Variants in NELL2 observed in about 807,000 individuals in gnomAD.
NELL2 encodes the protein neural EGFL like 2, also known as protein kinase C-binding protein NELL2.
In NELL2, 41 loss-of-function variants were observed where a neutral mutation model predicts 109.6. The observed-to-expected ratio is 0.37, with a 90% CI of 0.29 to 0.49. The LOEUF (loss-of-function observed/expected upper bound fraction) is 0.49, where lower values mean the gene tolerates loss of function less well. Among genes scored for constraint, NELL2 ranks in the 20% least tolerant of loss-of-function variants. The pLI, the probability that NELL2 is intolerant of heterozygous loss-of-function variation, is 0.98. For missense variants in NELL2, 900 were observed against 1,008.3 expected, an observed-to-expected ratio of 0.89 and a Z score of 1.45; for synonymous variants, 355 against 344.7, an observed-to-expected ratio of 1.03 and a Z score of -0.33.
At chr12:44,674,061 T>C (rs1344494251) in intron 12 of NELL2, among the ~76,000 whole-genome samples, 6 of 152,184 alleles carry the variant, frequency 3.9e-5, no homozygotes, top group Admixed American at 1.3e-4. Context: ...GATAACATTA[T>C]AAAGTGATGC....
intron 9 of NELL2, among the ~76,000 whole-genome samples, chr12:44,719,231 G>T (rs1018575130): frequency 6.6e-6 from 1 of 152,150 alleles, no homozygotes; most frequent in African/African-American, 2.4e-5. Flanking sequence ...TTATAACACA[G>T]ATTGAGAAAT....
At chr12:44,566,566 C>CACACACACACAGAGAGAG (rs377368706) in intron 15 of NELL2, among the ~76,000 whole-genome samples, 10 of 138,422 alleles carry the variant, frequency 7.2e-5, no homozygotes, top group African/African-American at 2.6e-4. Flanking sequence ...CACACACACA[C>CACACACACACAGAGAGAG]AGAGTTTTAT....
chr12:44,732,191 T>C (rs1379816501), intron 9 of NELL2, among the ~76,000 whole-genome samples: 1 of 151,956 alleles, frequency 6.6e-6, no homozygotes, highest in African/African-American at 2.4e-5. Flanking sequence ...AATCCCAATG[T>C]TACATTTTAG....
chr12:44,687,432 C>G (rs181693951), intron 12 of NELL2, among the ~76,000 whole-genome samples: 5 of 152,174 alleles, frequency 3.3e-5, no homozygotes, highest in African/African-American at 9.7e-5. Flanking sequence ...GCTCCTCCCC[C>G]TCTTTGTGCA....
At chr12:44,871,709 AGTCCATG>A (rs536624689) in intron 2 of NELL2, among the ~76,000 whole-genome samples, 1 of 152,234 alleles carries the variant, frequency 6.6e-6, no homozygotes, top group Non-Finnish European at 1.5e-5. Flanking sequence ...TGCCTACTAA[AGTCCATG>A]GTCTATTACC....
chr12:44,798,913 T>C (rs1942727054), intron 3 of NELL2, among the ~76,000 whole-genome samples: 1 of 149,114 alleles, frequency 6.7e-6, no homozygotes, highest in South Asian at 2.1e-4. Context: ...GCTATTCATA[T>C]AGGGGAAAAA....
At chr12:44,587,674 C>T (rs1258633610) in intron 15 of NELL2, among the ~76,000 whole-genome samples, 1 of 152,022 alleles carries the variant, frequency 6.6e-6, no homozygotes, top group Non-Finnish European at 1.5e-5. Context: ...TAGTAAACAG[C>T]TACGTTTATT....
At chr12:44,538,594 A>G (rs2139024371) in intron 15 of NELL2, among the ~76,000 whole-genome samples, 1 of 152,366 alleles carries the variant, frequency 6.6e-6, no homozygotes, top group South Asian at 2.1e-4. Context: ...TGGGAAGAAC[A>G]GGTGAGCAGC....
intron 13 of NELL2, among the ~76,000 whole-genome samples, chr12:44,629,985 C>T (rs1251931622): frequency 6.6e-6 from 1 of 152,154 alleles, no homozygotes; most frequent in East Asian, 1.9e-4. Flanking sequence ...AGCACTATTA[C>T]TTTGTCCTCT....
chr12:44,867,411 AT>A (rs1945031414), intron 2 of NELL2, among the ~76,000 whole-genome samples: 1 of 152,228 alleles, frequency 6.6e-6, no homozygotes, highest in African/African-American at 2.4e-5. Flanking sequence ...GCAGGAAAAC[AT>A]TTGACAAAAT....
Position 44,714,755 on chromosome 12 carries a change from A to T in NELL2, c.995-14T>A. Reference sequence around the variant, plus strand: ...ATTGGCATATCGCTTTGGAGTAAAAAATACATATATATTTATTTTATTGGG... The same window carrying T: ...ATTGGCATATCGCTTTGGAGTAAAATATACATATATATTTATTTTATTGGG... On this transcript the variant is annotated splice_polypyrimidine_tract_variant and intron_variant, in intron 9 of 19. Transcript: ENST00000429094. The T allele has an allele frequency of 6.6e-7, 1 of 1,512,372 alleles. No individual in the cohort carries two copies. Among genetic ancestry groups the T allele is most frequent in the Non-Finnish European group, 9.0e-7 (1 of 1,107,708 alleles). 93.7% of individuals were successfully genotyped at this position (1,512,372 alleles called of 1,614,324 possible).
chr12:44,650,403 C>T (rs1345707273), intron 13 of NELL2, among the ~76,000 whole-genome samples: 1 of 151,802 alleles, frequency 6.6e-6, no homozygotes, highest in African/African-American at 2.4e-5. Context: ...AAGCAATTCT[C>T]TCCTGCCTCA....
At chr12:44,714,182 A>G (rs1445630759) in intron 10 of NELL2, among the ~76,000 whole-genome samples, 2 of 151,960 alleles carry the variant, frequency 1.3e-5, no homozygotes, top group African/African-American at 4.8e-5. Context: ...TTTCCCTTTA[A>G]CTAATTTAAA....
At chr12:44,831,721 C>A (rs1943893320) in intron 2 of NELL2, among the ~76,000 whole-genome samples, 1 of 152,180 alleles carries the variant, frequency 6.6e-6, no homozygotes, top group African/African-American at 2.4e-5. Flanking sequence ...ATTGTCCCCA[C>A]TCTTCTTTTC....
At chr12:44,594,870 AAG>A (rs1235407295) in intron 15 of NELL2, among the ~76,000 whole-genome samples, 1 of 152,146 alleles carries the variant, frequency 6.6e-6, no homozygotes, top group Non-Finnish European at 1.5e-5. Context: ...ACCAGTGTAA[AAG>A]AGATTCAGTA....
rs540830679 is a variant in NELL2 at position 44,839,446 on chromosome 12, G to T, written c.185-23310C>A. Among the ~76,000 whole-genome samples, 4 of 152,204 alleles carry T rather than the reference G, an allele frequency of 2.6e-5. No homozygotes were observed. In the Middle Eastern group the frequency reaches 0.014, roughly 518 times the overall value. On this transcript the variant is annotated intron_variant, in intron 2 of 19. Transcript: ENST00000429094. ...TTTGTAACAATGACCCAGATCAATG[G>T]TTTAAACATCCATAAGATTTATCTT...
intron 19 of NELL2, among the ~76,000 whole-genome samples, chr12:44,509,604 A>C (rs1443357853): frequency 6.6e-6 from 1 of 152,160 alleles, no homozygotes; most frequent in African/African-American, 2.4e-5. Flanking sequence ...ACAATGAGAA[A>C]TGGCCATCTG....
At chr12:44,837,617 T>C (rs1459802136) in intron 2 of NELL2, among the ~76,000 whole-genome samples, 1 of 152,212 alleles carries the variant, frequency 6.6e-6, no homozygotes, top group East Asian at 1.9e-4. Flanking sequence ...TAATCTCATC[T>C]GATTATCACC....
intron 15 of NELL2, among the ~76,000 whole-genome samples, chr12:44,540,794 A>AAAAAAAAAAAAAC (rs1942522538): frequency 6.7e-6 from 1 of 150,142 alleles, no homozygotes; most frequent in Non-Finnish European, 1.5e-5. Flanking sequence ...AAAAAAAAAA[A>AAAAAAAAAAAAAC]AAAAGCCCAT....
Sources: allele counts gnomAD v4.1 joint callset (sites outside exome capture counted in the v4.1 genomes callset), GRCh38; gene constraint gnomAD v4.1.1; transcripts MANE v1.5; gene names NCBI Gene and HGNC (gene_info 2026-07-23, HGNC 2026-07-21).